Variants in NR3C2 observed in about 807,000 individuals in gnomAD.
NR3C2 encodes mineralocorticoid receptor.
Under a neutral mutation model 86.4 loss-of-function variants are expected in NR3C2, and 15 were observed. The ratio of observed to expected loss-of-function variants is 0.17; its 90% CI spans 0.12 to 0.27. The LOEUF (loss-of-function observed/expected upper bound fraction) is 0.27. NR3C2 is among the 10% of genes least tolerant of loss of function. The probability of loss-of-function intolerance (pLI) is 1.00; values close to 1 mark genes in which losing one functional copy is unlikely to be tolerated. For synonymous variants in NR3C2, 458 were observed against 450.5 expected, an observed-to-expected ratio of 1.02 and a Z score of -0.21; for missense variants, 960 against 1,195.6, an observed-to-expected ratio of 0.80 and a Z score of 2.91.
intron 2 of NR3C2, among the ~76,000 whole-genome samples, chr4:148,317,978 A>C: frequency 1.4e-5 from 2 of 147,572 alleles, no homozygotes; most frequent in African/African-American, 2.5e-5. Flanking sequence ...GCACCCACTA[A>C]CTCGTCATCT....
rs756006494 is a variant in NR3C2 at position 148,129,911 on chromosome 4, C to T, written c.2511-9623G>A. Among the ~76,000 whole-genome samples, 11 of 152,090 alleles carry T rather than the reference C, an allele frequency of 7.2e-5. No individual in the cohort carries two copies. In the South Asian group the frequency reaches 1.7e-3, roughly 23 times the overall value. On this transcript the variant is annotated intron_variant, in intron 6 of 8. Transcript: ENST00000358102. ...CCGCACCCAGCCTATACTTTGAGAT[C>T]GATTAAGAAACTAATATTTGTGTTT...
intron 2 of NR3C2, among the ~76,000 whole-genome samples, chr4:148,391,484 A>G (rs559740813): frequency 3.3e-5 from 5 of 152,342 alleles, no homozygotes; most frequent in South Asian, 4.1e-4. Context: ...TCTGCTCCCC[A>G]GAGAAAGGAA....
chr4:148,376,468 C>T (rs552688593), intron 2 of NR3C2, among the ~76,000 whole-genome samples: 6 of 152,216 alleles, frequency 3.9e-5, no homozygotes, highest in Admixed American at 2.0e-4. Flanking sequence ...TGCAATAGAC[C>T]CTTTCCTTTT....
rs1309705794 is a variant in NR3C2 at position 148,340,904 on chromosome 4, T to TA, written c.1758-80788dup. ...TGTATGTGCATCAGAGAAATGCACA[T>TA]AAAACCACAGTGAAATATCATCTCA... On this transcript the variant is annotated intron_variant, in intron 2 of 8. Transcript: ENST00000358102. Among the ~76,000 whole-genome samples the TA allele has an allele frequency of 2.0e-5, 3 of 152,054 alleles. No individual in the cohort carries two copies. In the East Asian group the frequency reaches 5.8e-4, roughly 29 times the overall value.
At position 148,125,538 on chromosome 4, in the gene NR3C2, G is replaced by T. The variant is rs183247223; in HGVS notation, c.2511-5250C>A. 2.5e-3 allele frequency among the ~76,000 whole-genome samples: 376 copies of T among 152,042 alleles called. 3 individuals carry two copies. The highest frequency in any genetic ancestry group is 8.5e-3 in the African/African-American group (351 of 41,484). ...CCCTGCCTATGAATTTCCTAGTTTT[G>T]CACCTTTTAAAAACATTTCTTTTGA... On this transcript the variant is annotated intron_variant, in intron 6 of 8. Coordinates refer to ENST00000358102, the MANE Select transcript of NR3C2 (RefSeq NM_000901.5).
intron 6 of NR3C2, among the ~76,000 whole-genome samples, chr4:148,125,531 T>C (rs1418911399): frequency 6.6e-6 from 1 of 152,258 alleles, no homozygotes; most frequent in Non-Finnish European, 1.5e-5. Flanking sequence ...ATGAATTTCC[T>C]AGTTTTGCAC....
At chr4:148,101,246 A>G (rs558907093) in intron 8 of NR3C2, among the ~76,000 whole-genome samples, 6 of 152,354 alleles carry the variant, frequency 3.9e-5, no homozygotes, top group Admixed American at 3.3e-4. Context: ...ACATAGTACA[A>G]TTGCATCTTA....
intron 3 of NR3C2, among the ~76,000 whole-genome samples, chr4:148,238,848 C>T (rs1251770032): frequency 6.6e-6 from 1 of 152,160 alleles, no homozygotes; most frequent in Admixed American, 6.6e-5. Flanking sequence ...AGGGCAAATT[C>T]AGGTGCCACA....
At chr4:148,431,385 A>C (rs1432514830) in intron 2 of NR3C2, among the ~76,000 whole-genome samples, 1 of 152,204 alleles carries the variant, frequency 6.6e-6, no homozygotes. Flanking sequence ...AAAGGAAATT[A>C]CACTGGCAGC....
chr4:148,086,149 A>AC (rs919514321), intron 8 of NR3C2, among the ~76,000 whole-genome samples: 2 of 152,222 alleles, frequency 1.3e-5, no homozygotes, highest in Admixed American at 1.3e-4. Flanking sequence ...TCGTCCTGAT[A>AC]CCCAAACCTT....
At chr4:148,316,819 T>C (rs892482599) in intron 2 of NR3C2, among the ~76,000 whole-genome samples, 4 of 152,176 alleles carry the variant, frequency 2.6e-5, no homozygotes, top group African/African-American at 9.7e-5. Context: ...GTTTGTTTTC[T>C]GAGACAGGCT....
intron 8 of NR3C2, among the ~76,000 whole-genome samples, chr4:148,100,195 AG>A (rs1731473203): frequency 6.6e-6 from 1 of 152,246 alleles, no homozygotes. Context: ...TTGCCAGTTA[AG>A]GATTAAAAGA....
intron 6 of NR3C2, among the ~76,000 whole-genome samples, chr4:148,151,389 T>C (rs1225223597): frequency 1.3e-5 from 2 of 152,234 alleles, no homozygotes; most frequent in Non-Finnish European, 2.9e-5. Flanking sequence ...AATTAAATTG[T>C]GCAAGTCAGT....
rs572619760 is a variant in NR3C2, at chr4:148,419,415, A to G, written c.1757+15689T>C. On this transcript the variant is annotated intron_variant, in intron 2 of 8. Transcript: ENST00000358102. ...AAGTATGTATAGCGTCCTGGTGAGCAGGTATAAATTTGTTAGTAATTCTCC... is the reference window on the plus strand; with the variant it reads ...AAGTATGTATAGCGTCCTGGTGAGCGGGTATAAATTTGTTAGTAATTCTCC... Among the ~76,000 whole-genome samples, 62 of 152,332 alleles carry G rather than the reference A, an allele frequency of 4.1e-4. 1 individual carries two copies. Among genetic ancestry groups the G allele is most frequent in the African/African-American group, 1.5e-3 (61 of 41,582 alleles).
At chr4:148,339,874 C>CA (rs72656822) in intron 2 of NR3C2, among the ~76,000 whole-genome samples, 27 of 151,640 alleles carry the variant, frequency 1.8e-4, no homozygotes, top group Non-Finnish European at 3.5e-4. Context: ...AGTCAACATA[C>CA]AAAAAAATCA....
rs544341890 is a variant in NR3C2 at position 148,097,736 on chromosome 4, T to A, written c.2800-16237A>T. Among the ~76,000 whole-genome samples, 4 of 143,488 alleles carry A rather than the reference T, an allele frequency of 2.8e-5. No individual in the cohort carries two copies. The East Asian group carries it at 7.8e-4, about 28-fold the overall frequency. 94.1% of individuals were successfully genotyped at this position (143,488 alleles called of 152,430 possible). A position where few individuals can be genotyped will look rare whatever the true frequency, so the allele number is the denominator to read the frequency against. On this transcript the variant is annotated intron_variant, in intron 8 of 8. Transcript: ENST00000358102. ...CTTTCTTAAAACATGATGAGACTTTTTTGCGTTTTTTTTTGTTTTTTTTTT... is the reference window on the plus strand; with the variant it reads ...CTTTCTTAAAACATGATGAGACTTTATTGCGTTTTTTTTTGTTTTTTTTTT...
chr4:148,137,248 A>G (rs1052186081), intron 6 of NR3C2, among the ~76,000 whole-genome samples: 1 of 152,146 alleles, frequency 6.6e-6, no homozygotes, highest in Non-Finnish European at 1.5e-5. Flanking sequence ...GAGAAGAGAA[A>G]TGCAGTATAA....
At chr4:148,259,646 G>A (rs892891764) in intron 3 of NR3C2, among the ~76,000 whole-genome samples, 4 of 152,148 alleles carry the variant, frequency 2.6e-5, no homozygotes, top group African/African-American at 9.7e-5. Flanking sequence ...TTCTGTGTGT[G>A]CCTAGTAAAA....
At chr4:148,343,072 C>G (rs774418969) in intron 2 of NR3C2, among the ~76,000 whole-genome samples, 1 of 152,158 alleles carries the variant, frequency 6.6e-6, no homozygotes, top group African/African-American at 2.4e-5. Flanking sequence ...TCTGACTCCA[C>G]AATAATTATT....
Sources: allele counts gnomAD v4.1 joint callset (sites outside exome capture counted in the v4.1 genomes callset), GRCh38; gene constraint gnomAD v4.1.1; transcripts MANE v1.5; gene names NCBI Gene and HGNC (gene_info 2026-07-23, HGNC 2026-07-21).